The following FGD5 variants were observed in gnomAD, a reference collection of about 807,000 sequenced individuals.
FGD5 encodes FYVE, RhoGEF and PH domain-containing protein 5.
In FGD5, 28 loss-of-function variants were observed where a neutral mutation model predicts 133.4. The observed-to-expected ratio is 0.21, with a 90% CI of 0.16 to 0.29. FGD5 has a LOEUF of 0.29. FGD5 is among the 10% of genes least tolerant of loss of function. The probability of loss-of-function intolerance (pLI) is 1.00; values close to 1 mark genes in which losing one functional copy is unlikely to be tolerated. For synonymous variants in FGD5, 810 were observed against 776.5 expected (o/e 1.04, Z -0.72); for missense variants, 1,858 against 1,895.2 (o/e 0.98, Z 0.36).
rs1298109172 is a variant in FGD5, at chr3:14,917,223, C to T, written c.3406-26C>T. ...GGCGCAGCCTTCTGGGGCCAGGGTC[C>T]TCTCATAGGGTTTCCCTCTCTCCAG... On this transcript the variant is annotated intron_variant, in intron 11 of 19. Transcript: ENST00000285046. The surrounding 1 kb of genome is among the most constrained non-coding windows in gnomAD (Gnocchi z 4.1). The T allele has an allele frequency of 3.7e-6, 6 of 1,604,846 alleles. No homozygotes were observed. The South Asian group carries it at 6.7e-5, about 18-fold the overall frequency.
chr3:14,863,259 A>G (rs965366787), intron 1 of FGD5, among the ~76,000 whole-genome samples: 3 of 152,218 alleles, frequency 2.0e-5, no homozygotes, highest in Non-Finnish European at 2.9e-5. Flanking sequence ...CAATGGCAAG[A>G]GGGAGCCACT....
intron 1 of FGD5, among the ~76,000 whole-genome samples, chr3:14,835,415 G>A (rs543222934): frequency 6.6e-6 from 1 of 152,084 alleles, no homozygotes; most frequent in African/African-American, 2.4e-5. Context: ...CACAAAAATT[G>A]CTTGAACCTG....
intron 2 of FGD5, among the ~76,000 whole-genome samples, chr3:14,874,282 G>T (rs1472058172): frequency 6.6e-6 from 1 of 152,128 alleles, no homozygotes; most frequent in African/African-American, 2.4e-5. Context: ...ACTTCGGGAG[G>T]CCAAGGCAGG....
upstream of FGD5, among the ~76,000 whole-genome samples, chr3:14,818,418 C>T (rs964095934): frequency 2.0e-5 from 3 of 152,226 alleles, no homozygotes; most frequent in African/African-American, 7.2e-5. Flanking sequence ...GCTCTACCCT[C>T]CAGTTGTTGT....
chr3:14,901,088 C>T (rs568519579), intron 9 of FGD5, 27 bp downstream of exon 9: 2 of 1,613,744 alleles, frequency 1.2e-6, no homozygotes, highest in East Asian at 4.5e-5. Context: ...GGCCCCCTTC[C>T]TCAGACACAG....
Position 14,888,110 on chromosome 3 carries a change from C to T in FGD5, c.2748+7338C>T, listed in dbSNP as rs962639391. Reference sequence around the variant, plus strand: ...ACTTGAGCTTAGGAGTTTGAGGCTGCAGTGAGCTATGAGCATACCACTATG... The same window carrying T: ...ACTTGAGCTTAGGAGTTTGAGGCTGTAGTGAGCTATGAGCATACCACTATG... On this transcript the variant is annotated intron_variant, in intron 4 of 19. Coordinates refer to ENST00000285046, the MANE Select transcript of FGD5 (RefSeq NM_152536.4). Among the ~76,000 whole-genome samples, 3 of 150,022 alleles carry T rather than the reference C, an allele frequency of 2.0e-5. No individual in the cohort carries two copies. In the East Asian group the frequency reaches 5.8e-4, roughly 29 times the overall value.
intron 1 of FGD5, among the ~76,000 whole-genome samples, chr3:14,842,672 C>T (rs908689785): frequency 2.0e-5 from 3 of 152,236 alleles, no homozygotes; most frequent in Non-Finnish European, 4.4e-5. Flanking sequence ...CCAGCAGCTT[C>T]CTTGTCCTTC....
At chr3:14,833,566 G>T (rs2036759089) in intron 1 of FGD5, among the ~76,000 whole-genome samples, 1 of 152,108 alleles carries the variant, frequency 6.6e-6, no homozygotes, top group African/African-American at 2.4e-5. Flanking sequence ...GCTTGCACAG[G>T]CCAGGAAGTT....
intron 2 of FGD5, among the ~76,000 whole-genome samples, chr3:14,874,478 A>G (rs1281458954): frequency 2.6e-5 from 4 of 152,196 alleles, no homozygotes; most frequent in Non-Finnish European, 5.9e-5. Context: ...GGGTGACAGA[A>G]TGAGATCCCT....
chr3:14,908,949 T>TTCATTCATTCATTCATTC (rs1553630947), intron 10 of FGD5, among the ~76,000 whole-genome samples: 9 of 141,134 alleles, frequency 6.4e-5, no homozygotes, highest in African/African-American at 2.3e-4. Flanking sequence ...TTTATTTATT[T>TTCATTCATTCATTCATTC]ATTCATTCAT....
chr3:14,846,872 A>C (rs2037062444), intron 1 of FGD5, among the ~76,000 whole-genome samples: 1 of 152,226 alleles, frequency 6.6e-6, no homozygotes, highest in Non-Finnish European at 1.5e-5. Context: ...GTAGACTGTG[A>C]AGTGCTGTGC....
At chr3:14,846,666 TG>T (rs1302642451) in intron 1 of FGD5, among the ~76,000 whole-genome samples, 1 of 152,156 alleles carries the variant, frequency 6.6e-6, no homozygotes, top group Non-Finnish European at 1.5e-5. Context: ...ATGCAGAAGA[TG>T]AAGAAGCATT....
rs1346148216 is a variant in FGD5, at chr3:14,820,946, C to G, written c.1875C>G (p.Thr625=). ...IPPPFDLACI[T]KKPITKSSPS... ...CTCCTTTCGACCTGGCCTGCATCAC[C>G]AAGAAGCCCATCACAAAGAGCTCTC... Residue 625 remains threonine, a synonymous_variant, in exon 1 of 20, where the codon ACC becomes ACG. Coordinates refer to ENST00000285046, the MANE Select transcript of FGD5 (RefSeq NM_152536.4). 4 of 1,613,836 alleles carry G rather than the reference C, an allele frequency of 2.5e-6. No individual in the cohort carries two copies. The African/African-American group carries it at 4.0e-5, about 16-fold the overall frequency.
intron 2 of FGD5, among the ~76,000 whole-genome samples, chr3:14,867,820 G>T (rs906951873): frequency 4.6e-5 from 7 of 152,202 alleles, no homozygotes; most frequent in African/African-American, 1.7e-4. Flanking sequence ...GTCACATCGT[G>T]TGGGACGTGG....
intron 9 of FGD5, among the ~76,000 whole-genome samples, chr3:14,906,303 G>A (rs571298162): frequency 2.6e-4 from 39 of 152,322 alleles, no homozygotes; most frequent in Admixed American, 5.9e-4. Flanking sequence ...CCTCCATGGC[G>A]GCTGAGCTCT....
chr3:14,831,664 G>A (rs908346493), intron 1 of FGD5, among the ~76,000 whole-genome samples: 17 of 152,192 alleles, frequency 1.1e-4, no homozygotes, highest in African/African-American at 3.9e-4. Context: ...AAAGGAGTGT[G>A]TTGAATTTGG....
At chr3:14,863,789 C>T (rs983231707) in intron 1 of FGD5, among the ~76,000 whole-genome samples, 21 of 152,334 alleles carry the variant, frequency 1.4e-4, no homozygotes, top group African/African-American at 3.1e-4. Flanking sequence ...CTAACCCTGC[C>T]GCCTGACCAG....
chr3:14,914,408 C>T (rs1190390748), intron 11 of FGD5, among the ~76,000 whole-genome samples: 1 of 152,220 alleles, frequency 6.6e-6, no homozygotes, highest in African/African-American at 2.4e-5. Context: ...GGCTCTTCCT[C>T]CTTCCTCCAA....
intron 4 of FGD5, among the ~76,000 whole-genome samples, chr3:14,887,763 G>A (rs559129319): frequency 6.6e-6 from 1 of 152,216 alleles, no homozygotes; most frequent in South Asian, 2.1e-4. Flanking sequence ...TGGAGTTAGA[G>A]AGGGATGCCC....
Sources: gnomAD v4.1 joint callset for allele counts (sites outside exome capture counted in the v4.1 genomes callset) on GRCh38, gnomAD v4.1.1 for gene constraint, Gnocchi (gnomAD v3.1) non-coding constraint, MANE v1.5 for transcripts, NCBI Gene and HGNC (gene_info 2026-07-23, HGNC 2026-07-21) for gene names.